Variants in RNF157 observed in about 807,000 individuals in gnomAD.
RNF157 encodes the protein ring finger protein 157.
Under a neutral mutation model 88.3 loss-of-function variants are expected in RNF157, and 55 were observed. The observed-to-expected ratio is 0.62, with a 90% CI of 0.50 to 0.78. RNF157 has a LOEUF of 0.78. Among genes scored for constraint, RNF157 ranks in the 30% least tolerant of loss-of-function variants. The probability of loss-of-function intolerance (pLI) is 0.00; values close to 1 mark genes in which losing one functional copy is unlikely to be tolerated. For synonymous variants in RNF157, 334 were observed against 341.2 expected, an observed-to-expected ratio of 0.98 and a Z score of 0.23; for missense variants, 788 against 860.8, an observed-to-expected ratio of 0.92 and a Z score of 1.06.
At chr17:76,193,269 T>C (rs2069416736) in intron 2 of RNF157, among the ~76,000 whole-genome samples, 1 of 152,260 alleles carries the variant, frequency 6.6e-6, no homozygotes, top group Admixed American at 6.5e-5. Context: ...TACAGTGCTA[T>C]AAAAATATAT....
intron 8 of RNF157, chr17:76,163,016 G>A: frequency 1.3e-5 from 2 of 156,454 alleles, no homozygotes; most frequent in South Asian, 2.0e-4. Context: ...ATAAAGGAAT[G>A]GAAAAGAGAA....
chr17:76,225,470 A>T (rs1166162592), intron 1 of RNF157, among the ~76,000 whole-genome samples: 1 of 152,216 alleles, frequency 6.6e-6, no homozygotes, highest in African/African-American at 2.4e-5. Context: ...TTTTTTATAC[A>T]TATACAAATA....
chr17:76,200,327 A>C (rs997847484), intron 2 of RNF157, among the ~76,000 whole-genome samples: 4 of 152,242 alleles, frequency 2.6e-5, no homozygotes, highest in African/African-American at 9.6e-5. Flanking sequence ...GAGCAACCCA[A>C]GTGTCTGTCT....
intron 1 of RNF157, among the ~76,000 whole-genome samples, chr17:76,229,476 G>A (rs1456812668): frequency 1.3e-5 from 2 of 152,228 alleles, no homozygotes; most frequent in African/African-American, 4.8e-5. Flanking sequence ...GCTAAGCCCA[G>A]TGGGCAACTG....
intron 17 of RNF157, chr17:76,153,412 C>G (rs561963657): frequency 4.5e-4 from 68 of 152,378 alleles, no homozygotes; most frequent in African/African-American, 1.6e-3. Flanking sequence ...CAACACTTCC[C>G]AAGCGATGGC....
intron 1 of RNF157, chr17:76,226,880 G>A (rs1214121675): frequency 8.1e-6 from 10 of 1,239,824 alleles, no homozygotes; most frequent in African/African-American, 1.5e-5. Flanking sequence ...CAATGCTGCT[G>A]CTGAATGCCG....
In RNF157 at chr17:76,145,254, C is replaced by T. The variant is rs375939606; in HGVS notation, c.2021G>A (p.Trp674Ter). The T allele has an allele frequency of 8.1e-6, 13 of 1,605,856 alleles. No individual in the cohort carries two copies. The highest frequency in any genetic ancestry group is 1.0e-5 in the Non-Finnish European group (12 of 1,176,518). The part of the protein sequence containing the change: ...LEDSETRPCV[W>*]GPLAV ...TGGGGCTCAGACAGCCAAAGGGCCC[C>T]ACACACAGGGCCTCGTCTCAGAGTC... Residue 674 changes from tryptophan to a stop codon, truncating the protein, a stop_gained, in exon 19 of 19, where the codon TGG (tryptophan) becomes TAG (stop). Coordinates refer to ENST00000269391, the MANE Select transcript of RNF157 (RefSeq NM_052916.3). LOFTEE classifies it high-confidence loss of function.
At chr17:76,151,780 T>C (rs61751844) in intron 18 of RNF157, among the ~76,000 whole-genome samples, 3 of 152,098 alleles carry the variant, frequency 2.0e-5, no homozygotes, top group Non-Finnish European at 2.9e-5. Flanking sequence ...CCAGGGAGCA[T>C]AGAGGAGCCC....
rs2068589458 is a variant in RNF157, at chr17:76,146,637, A to C, written c.1922-1284T>G. ...GCCGGGGGAGGCCCAGTGTGCTCCT[A>C]AGTGCTCCCTGCAGCCTGAACTACT... On this transcript the variant is annotated intron_variant, in intron 18 of 18. Coordinates refer to ENST00000269391, the MANE Select transcript of RNF157 (RefSeq NM_052916.3). The surrounding 1 kb of genome is among the most constrained non-coding windows in gnomAD (Gnocchi z 4.2). 1.0e-6 allele frequency: 1 copy of C among 985,432 alleles called. No individual in the cohort carries two copies. Among genetic ancestry groups the C allele is most frequent in the Middle Eastern group, 5.2e-4 (1 of 1,914 alleles). 61.0% of individuals were successfully genotyped at this position (985,432 alleles called of 1,614,324 possible).
At position 76,222,636 on chromosome 17, in the gene RNF157, T is replaced by G. The variant is rs2070005955; in HGVS notation, c.89-10154A>C. Among the ~76,000 whole-genome samples, 4 of 152,134 alleles carry G rather than the reference T, an allele frequency of 2.6e-5. No individual in the cohort carries two copies. In the South Asian group the frequency reaches 8.3e-4, roughly 31 times the overall value. The stretch of plus-strand genomic sequence containing the variant: ...TATTCTCTTACGTCCATTTTTCAGT[T>G]GAGGAAACTAAGGATTAGAAGAGTT... On this transcript the variant is annotated intron_variant, in intron 1 of 18. Coordinates refer to ENST00000269391, the MANE Select transcript of RNF157 (RefSeq NM_052916.3).
intron 1 of RNF157, among the ~76,000 whole-genome samples, chr17:76,233,281 T>C (rs2070226683): frequency 6.6e-6 from 1 of 152,192 alleles, no homozygotes; most frequent in Admixed American, 6.5e-5. Context: ...GAGTTCTTAA[T>C]ATTGATACAC....
chr17:76,221,440 G>A (rs1424533619), intron 1 of RNF157, among the ~76,000 whole-genome samples: 2 of 152,136 alleles, frequency 1.3e-5, no homozygotes, highest in Non-Finnish European at 2.9e-5. Flanking sequence ...GAGGCAACTG[G>A]CAAAACTCAG....
chr17:76,148,023 CTT>C (rs2068611146), intron 18 of RNF157, among the ~76,000 whole-genome samples: 1 of 152,120 alleles, frequency 6.6e-6, no homozygotes. Flanking sequence ...GTTCAACTGT[CTT>C]TGTAGAGTTG....
At chr17:76,205,212 C>A (rs1042284017) in intron 2 of RNF157, among the ~76,000 whole-genome samples, 1 of 150,790 alleles carries the variant, frequency 6.6e-6, no homozygotes, top group African/African-American at 2.4e-5. Context: ...AATCATGGCT[C>A]ACTGCAGCTT....
intron 2 of RNF157, among the ~76,000 whole-genome samples, chr17:76,187,938 C>T (rs1161544784): frequency 6.6e-6 from 1 of 152,014 alleles, no homozygotes; most frequent in African/African-American, 2.4e-5. Context: ...TAAAGATGTG[C>T]GGAAACCCTA....
chr17:76,236,722 T>C (rs2070288692), intron 1 of RNF157, among the ~76,000 whole-genome samples: 2 of 152,158 alleles, frequency 1.3e-5, no homozygotes, highest in Admixed American at 1.3e-4. Context: ...AACTCACAGA[T>C]GTTTATCAAC....
Position 76,149,532 on chromosome 17 carries a change from C to G in RNF157, c.1921+2823G>C, listed in dbSNP as rs960021623. 2.0e-5 allele frequency among the ~76,000 whole-genome samples: 3 copies of G among 152,160 alleles called. No homozygotes were observed. The East Asian group carries it at 5.8e-4, about 30-fold the overall frequency. The stretch of plus-strand genomic sequence containing the variant: ...AGTGTGAAGACGCCTATTTATTCCA[C>G]GGGACCTACCAAAGTGGATATTCCT... On this transcript the variant is annotated intron_variant, in intron 18 of 18. Transcript: ENST00000269391.
In RNF157 at chr17:76,155,597, G is replaced by C. The variant is rs763795110; in HGVS notation, c.1663C>G (p.Gln555Glu). ...TCTGAGGGGGCCCTGCTGGCAGGCT[G>C]GGGGGAAGAGAGAGCCTCTCCCTCC... ...EEEGEALSSP[Q>E]PASRAPSEEG... is the part of the protein sequence containing the mutation. The change falls in exon 15 of 19, where the codon CAG (glutamine) becomes GAG (glutamate). Residue 555 changes from glutamine (Q) to glutamate (E), a missense_variant. Transcript: ENST00000269391. 3 of 1,612,438 alleles carry C rather than the reference G, an allele frequency of 1.9e-6. No individual in the cohort carries two copies. Among genetic ancestry groups the C allele is most frequent in the Admixed American group, 3.4e-5 (2 of 59,384 alleles).
chr17:76,233,696 T>C (rs2070233808), intron 1 of RNF157, among the ~76,000 whole-genome samples: 2 of 152,096 alleles, frequency 1.3e-5, no homozygotes, highest in Non-Finnish European at 2.9e-5. Context: ...GCCCAGGTAA[T>C]TTTTAAAAAC....
Sources: allele counts gnomAD v4.1 joint callset (sites outside exome capture counted in the v4.1 genomes callset), GRCh38; gene constraint gnomAD v4.1.1; non-coding constraint Gnocchi (gnomAD v3.1); transcripts MANE v1.5; gene names NCBI Gene and HGNC (gene_info 2026-07-23, HGNC 2026-07-21).